GAS2L3: variants seen among roughly 807,000 people sequenced by gnomAD.
GAS2L3 encodes the protein growth arrest specific 2 like 3.
In GAS2L3, 28 loss-of-function variants were observed where a neutral mutation model predicts 37.0. The ratio of observed to expected loss-of-function variants is 0.76; its 90% confidence interval spans 0.56 to 1.04. The LOEUF is 1.04. GAS2L3 is among the 50% of genes least tolerant of loss of function. The pLI is 0.00. For missense variants in GAS2L3, 793 were observed against 817.6 expected (o/e 0.97, Z 0.37); for synonymous variants, 290 against 296.6 (o/e 0.98, Z 0.23).
chr12:100,586,729 C>T (rs561032666), intron 1 of GAS2L3, among the ~76,000 whole-genome samples: 5 of 151,990 alleles, frequency 3.3e-5, no homozygotes, highest in South Asian at 4.2e-4. Flanking sequence ...TAACCAAGAT[C>T]GTAGCAGAAC....
intron 1 of GAS2L3, chr12:100,579,344 G>A: frequency 4.3e-6 from 3 of 697,534 alleles, no homozygotes; most frequent in East Asian, 2.5e-5. Flanking sequence ...ACTGATTACT[G>A]AAATAGTGTC....
chr12:100,591,237 G>A (rs1484139636), intron 1 of GAS2L3, among the ~76,000 whole-genome samples: 1 of 152,082 alleles, frequency 6.6e-6, no homozygotes, highest in Non-Finnish European at 1.5e-5. Context: ...TTCAGTAAAG[G>A]AGGTGAATAA....
In GAS2L3 at chr12:100,604,474, GTT is replaced by G. The variant is rs56690394; in HGVS notation, c.303+2736_303+2737del. Among the ~76,000 whole-genome samples, 799 of 129,264 alleles carry G rather than the reference GTT, an allele frequency of 6.2e-3. 5 individuals carry two copies. The highest frequency in any genetic ancestry group is 0.021 in the African/African-American group (746 of 35,146). 84.8% of individuals were successfully genotyped at this position (129,264 alleles called of 152,430 possible). On this transcript the variant is annotated intron_variant, in intron 5 of 9. Transcript: ENST00000547754. Reference sequence around the variant, plus strand: ...CTGAATTTGTTTATCAGCTGTAGTTGTTTTTTTTTTTTTTTTGAGTGTGGGGT... The same window carrying G: ...CTGAATTTGTTTATCAGCTGTAGTTGTTTTTTTTTTTTTTGAGTGTGGGGT...
At chr12:100,590,674 T>C (rs976876183) in intron 1 of GAS2L3, among the ~76,000 whole-genome samples, 2 of 152,040 alleles carry the variant, frequency 1.3e-5, no homozygotes, top group African/African-American at 4.8e-5. Flanking sequence ...CAAATACCCA[T>C]GAATAAATGA....
chr12:100,590,999 G>A (rs1433155183), intron 1 of GAS2L3, among the ~76,000 whole-genome samples: 1 of 151,878 alleles, frequency 6.6e-6, no homozygotes, highest in Non-Finnish European at 1.5e-5. Flanking sequence ...CTCGGGTGAT[G>A]GATGCACCAA....
chr12:100,611,881 A>C (rs995997643), intron 5 of GAS2L3, 119 bp from the exon 6 acceptor site: 1 of 703,050 alleles, frequency 1.4e-6, no homozygotes, highest in Non-Finnish European at 2.4e-6. Context: ...TTTTTCTCTA[A>C]AATTGTGTAC....
intron 1 of GAS2L3, among the ~76,000 whole-genome samples, chr12:100,581,024 A>G (rs1172916304): frequency 6.6e-6 from 1 of 152,136 alleles, no homozygotes; most frequent in Non-Finnish European, 1.5e-5. Context: ...GTGTTGATGA[A>G]GATATTTTTT....
intron 5 of GAS2L3, among the ~76,000 whole-genome samples, chr12:100,604,399 A>G (rs1046114176): frequency 1.3e-5 from 2 of 151,034 alleles, no homozygotes; most frequent in African/African-American, 4.9e-5. Flanking sequence ...GATTGTTGGC[A>G]CAAAAATGCT....
In GAS2L3 at chr12:100,624,419, A is replaced by G; in HGVS notation, c.1614A>G (p.Gln538=). ...TIATGLGTQS[Q]PSDGAPQAKP... is the part of the protein sequence containing the mutation. Reference sequence around the variant, plus strand: ...CCACGGGTCTAGGAACACAGTCTCAACCATCCGATGGAGCCCCACAAGCAA... The same window carrying G: ...CCACGGGTCTAGGAACACAGTCTCAGCCATCCGATGGAGCCCCACAAGCAA... Residue 538 remains glutamine (Q), a synonymous_variant, in exon 10 of 10, where the codon CAA becomes CAG. Transcript: ENST00000547754. 2 of 1,613,928 alleles carry G rather than the reference A, an allele frequency of 1.2e-6. No homozygotes were observed. The highest frequency in any genetic ancestry group is 1.6e-4 in the Middle Eastern group (1 of 6,062).
chr12:100,582,683 G>A (rs1955728336), intron 1 of GAS2L3, among the ~76,000 whole-genome samples: 2 of 152,190 alleles, frequency 1.3e-5, no homozygotes, highest in South Asian at 4.1e-4. Context: ...AAAAAACCCA[G>A]AGTGTATTAG....
chr12:100,622,270 C>T lies in GAS2L3; in HGVS notation c.649-5C>T, dbSNP rs1956263600. The T allele has an allele frequency of 2.0e-6, 3 of 1,494,120 alleles. No individual in the cohort carries two copies. Among genetic ancestry groups the T allele is most frequent in the Admixed American group, 1.8e-5 (1 of 55,836 alleles). 92.6% of individuals were successfully genotyped at this position (1,494,120 alleles called of 1,614,324 possible). A position where few individuals can be genotyped will look rare whatever the true frequency, so the allele number is the denominator to read the frequency against. ...GCACTAAATTTTATTTGTTCGTCATCTTAGGTTAAACATATTGCTGAGGAC... is the reference window on the plus strand; with the variant it reads ...GCACTAAATTTTATTTGTTCGTCATTTTAGGTTAAACATATTGCTGAGGAC... On this transcript the variant is annotated splice_polypyrimidine_tract_variant and splice_region_variant and intron_variant, in intron 8 of 9. Transcript: ENST00000547754.
Position 100,617,729 on chromosome 12 carries a change from T to C in GAS2L3, c.446-15T>C. On this transcript the variant is annotated splice_polypyrimidine_tract_variant and intron_variant, in intron 6 of 9. Coordinates refer to ENST00000547754, the MANE Select transcript of GAS2L3 (RefSeq NM_174942.3). Reference sequence around the variant, plus strand: ...TAATTTTGCTGTATAAAATAAGTGGTTTTATTTTCCACAGTTTTGCACAAA... The same window carrying C: ...TAATTTTGCTGTATAAAATAAGTGGCTTTATTTTCCACAGTTTTGCACAAA... 4 of 1,560,854 alleles carry C rather than the reference T, an allele frequency of 2.6e-6. No homozygotes were observed. The highest frequency in any genetic ancestry group is 3.5e-6 in the Non-Finnish European group (4 of 1,133,826).
intron 3 of GAS2L3, among the ~76,000 whole-genome samples, chr12:100,596,975 T>C (rs992778101): frequency 5.9e-5 from 9 of 152,066 alleles, no homozygotes; most frequent in Non-Finnish European, 1.2e-4. Flanking sequence ...GCAGTTTTTG[T>C]TAATATCTGA....
chr12:100,610,352 C>G (rs990753014), intron 5 of GAS2L3, among the ~76,000 whole-genome samples: 1 of 152,172 alleles, frequency 6.6e-6, no homozygotes, highest in Non-Finnish European at 1.5e-5. Context: ...ATGTCTACAA[C>G]ATATCATTTC....
rs1593193611 is a variant in GAS2L3 at position 100,624,124 on chromosome 12, A to G, written c.1319A>G (p.Asn440Ser). The change falls in exon 10 of 10, where the codon AAT becomes AGT. Residue 440 changes from asparagine to serine, a missense_variant. Physicochemically the swap from Asn to Ser is conservative, Grantham distance 46. Coordinates refer to ENST00000547754, the MANE Select transcript of GAS2L3 (RefSeq NM_174942.3). Reference sequence around the variant, plus strand: ...CCGAGAAAATGTATTTCATCCCCCAATACCCCCAAGGCCAAGGTTATTCCA... The same window carrying G: ...CCGAGAAAATGTATTTCATCCCCCAGTACCCCCAAGGCCAAGGTTATTCCA... ...ESPRKCISSP[N>S]TPKAKVIPAQ... 1 of 1,613,936 alleles carries G rather than the reference A, an allele frequency of 6.2e-7. No homozygotes were observed. The highest frequency in any genetic ancestry group is 1.1e-5 in the South Asian group (1 of 91,058).
chr12:100,621,856 G>C (rs1956255131), intron 8 of GAS2L3, among the ~76,000 whole-genome samples: 1 of 145,206 alleles, frequency 6.9e-6, no homozygotes, highest in Admixed American at 6.9e-5. Flanking sequence ...GAAGATGAAG[G>C]GTGGTGGGGA....
chr12:100,595,357 A>G (rs1006199301), intron 3 of GAS2L3, among the ~76,000 whole-genome samples: 3 of 151,468 alleles, frequency 2.0e-5, no homozygotes, highest in Non-Finnish European at 4.4e-5. Flanking sequence ...GTGCTCTATA[A>G]ATGCCTGTAT....
intron 1 of GAS2L3, among the ~76,000 whole-genome samples, chr12:100,575,297 G>A (rs1955621189): frequency 6.6e-6 from 1 of 151,756 alleles, no homozygotes; most frequent in South Asian, 2.1e-4. Context: ...CAGAGATAGG[G>A]ATAATTATTG....
rs968610385 is a variant in GAS2L3, at chr12:100,588,012, A to T, written c.-151-3724A>T. 8.5e-5 allele frequency among the ~76,000 whole-genome samples: 13 copies of T among 152,192 alleles called. 1 individual carries two copies. The highest frequency in any genetic ancestry group is 8.3e-4 in the South Asian group (4 of 4,834). On this transcript the variant is annotated intron_variant, in intron 1 of 9. Coordinates refer to ENST00000547754, the MANE Select transcript of GAS2L3 (RefSeq NM_174942.3). ...GCTTGCAGTGAGCTGAGATCGTGCC[A>T]CTGCACTCCAGCCTGGGTGACAGAG...
Sources: allele counts gnomAD v4.1 joint callset (sites outside exome capture counted in the v4.1 genomes callset), GRCh38; gene constraint gnomAD v4.1.1; transcripts MANE v1.5; gene names NCBI Gene and HGNC (gene_info 2026-07-23, HGNC 2026-07-21).